ACTR3C: variants seen among roughly 807,000 people sequenced by gnomAD.
The protein encoded by ACTR3C is actin related protein 3C, also known as actin-related protein 3C.
A neutral mutation model predicts 26.3 loss-of-function variants in ACTR3C; 18 were observed. That is an observed-to-expected ratio of 0.68 (90% CI 0.47 to 1.01). ACTR3C has a LOEUF of 1.01. ACTR3C is among the 50% of genes least tolerant of loss of function. The pLI is 0.00. For missense variants in ACTR3C, 184 were observed against 250.7 expected, an observed-to-expected ratio of 0.73 and a Z score of 1.80; for synonymous variants, 55 against 94.5, an observed-to-expected ratio of 0.58 and a Z score of 2.42.
chr7:149,896,248 A>G, the ACTR3C span, among the ~76,000 whole-genome samples: 3 of 152,196 alleles, frequency 2.0e-5, no homozygotes, highest in African/African-American at 7.2e-5. Context: ...CAGTCCAGCC[A>G]AGTTAATTTT....
the ACTR3C span, among the ~76,000 whole-genome samples, chr7:150,131,590 T>C: frequency 6.6e-6 from 1 of 152,218 alleles, no homozygotes; most frequent in African/African-American, 2.4e-5. Context: ...ACTTGGGAGC[T>C]ATACTCACTA....
the ACTR3C span, among the ~76,000 whole-genome samples, chr7:150,194,724 T>G: frequency 6.6e-6 from 1 of 152,160 alleles, no homozygotes; most frequent in Non-Finnish European, 1.5e-5. Flanking sequence ...TATGCCCATG[T>G]TTACACATTT....
the ACTR3C span, among the ~76,000 whole-genome samples, chr7:149,913,388 TGAG>T: frequency 2.0e-5 from 3 of 152,238 alleles, no homozygotes; most frequent in Non-Finnish European, 4.4e-5. Context: ...GTACTCAGAC[TGAG>T]GATAGGGGAG....
At chr7:149,976,561 G>A in the ACTR3C span, among the ~76,000 whole-genome samples, 10 of 132,586 alleles carry the variant, frequency 7.5e-5, no homozygotes, top group Admixed American at 1.6e-4. Context: ...GCGACAGAGC[G>A]AGACTCTGTC....
At chr7:149,945,315 G>C in the ACTR3C span, among the ~76,000 whole-genome samples, 1 of 135,370 alleles carries the variant, frequency 7.4e-6, no homozygotes, top group African/African-American at 2.6e-5. Flanking sequence ...GCCTCCATCA[G>C]TGACAACCTC....
At chr7:149,888,922 C>G in the ACTR3C span, among the ~76,000 whole-genome samples, 2 of 151,842 alleles carry the variant, frequency 1.3e-5, no homozygotes, top group African/African-American at 2.4e-5. Flanking sequence ...GCAGGAGAAT[C>G]GCTTGAACCT....
chr7:150,228,609 C>T, the ACTR3C span, among the ~76,000 whole-genome samples: 3 of 151,946 alleles, frequency 2.0e-5, no homozygotes, highest in Non-Finnish European at 4.4e-5. Flanking sequence ...GGGCCATGAA[C>T]CAAGGAATAC....
At chr7:150,233,904 T>C in the ACTR3C span, among the ~76,000 whole-genome samples, 10 of 152,226 alleles carry the variant, frequency 6.6e-5, no homozygotes, top group Non-Finnish European at 1.2e-4. Context: ...TTAAAACCCA[T>C]ACATAATATA....
chr7:150,128,184 A>C, the ACTR3C span, among the ~76,000 whole-genome samples: 1 of 151,682 alleles, frequency 6.6e-6, no homozygotes. Context: ...GTCCACGGGC[A>C]CTTCCCAACT....
At chr7:150,018,458 G>T in the ACTR3C span, among the ~76,000 whole-genome samples, 2 of 148,636 alleles carry the variant, frequency 1.3e-5, no homozygotes, top group Non-Finnish European at 3.0e-5. Flanking sequence ...AAATAAAATA[G>T]GGTTTGTTTT....
chr7:149,928,930 A>G, the ACTR3C span, among the ~76,000 whole-genome samples: 1 of 152,196 alleles, frequency 6.6e-6, no homozygotes, highest in Admixed American at 6.5e-5. Context: ...TAAGCAATAG[A>G]TAATAACCCA....
chr7:149,970,142 GC>G, the ACTR3C span, among the ~76,000 whole-genome samples: 1 of 152,102 alleles, frequency 6.6e-6, no homozygotes, highest in Non-Finnish European at 1.5e-5. Context: ...CTCCTTCTTG[GC>G]ATACAAATCC....
the ACTR3C span, among the ~76,000 whole-genome samples, chr7:149,941,983 T>C: frequency 3.3e-5 from 5 of 152,146 alleles, no homozygotes; most frequent in Admixed American, 6.5e-5. Context: ...AGAGAGCAGC[T>C]GTGCAGCCTA....
chr7:150,198,460 C>A, the ACTR3C span, among the ~76,000 whole-genome samples: 1 of 140,056 alleles, frequency 7.1e-6, no homozygotes, highest in Non-Finnish European at 1.5e-5. Context: ...CCCGGCCGCC[C>A]ATCGTCTGAG....
the ACTR3C span, among the ~76,000 whole-genome samples, chr7:150,144,905 C>G: frequency 6.6e-6 from 1 of 151,944 alleles, no homozygotes; most frequent in Non-Finnish European, 1.5e-5. The surrounding 1 kb of genome is among the most constrained non-coding windows in gnomAD (Gnocchi z 4.6). Flanking sequence ...AAAAAATTAG[C>G]TGGGCGTGGT....
chr7:149,915,833 G>A, the ACTR3C span, among the ~76,000 whole-genome samples: 1 of 149,686 alleles, frequency 6.7e-6, no homozygotes, highest in Non-Finnish European at 1.5e-5. Context: ...AAAAATGTTC[G>A]GTGAAGCACT....
chr7:149,993,691 T>C, the ACTR3C span, among the ~76,000 whole-genome samples: 1,118 of 152,034 alleles, frequency 7.4e-3, 11 homozygotes, highest in African/African-American at 0.025. Flanking sequence ...ACAGACCCCA[T>C]TGGAGCAATA....
rs1834981751 is a variant in ACTR3C at position 150,277,578 on chromosome 7, A to G, written c.564+7175T>C. ...CTCCAACCTACAAATGCAACTCAAC[A>G]TCTCCACCAAACTAGATCTAGTCTT... On this transcript the variant is annotated intron_variant, in intron 6 of 7. Coordinates refer to ENST00000683684, the MANE Select transcript of ACTR3C (RefSeq NM_001164458.2). 2.0e-5 allele frequency among the ~76,000 whole-genome samples: 3 copies of G among 151,950 alleles called. No homozygotes were observed. The South Asian group carries it at 6.3e-4, about 32-fold the overall frequency.
chr7:150,143,801 C>G, the ACTR3C span, among the ~76,000 whole-genome samples: 1 of 152,244 alleles, frequency 6.6e-6, no homozygotes, highest in Non-Finnish European at 1.5e-5. Context: ...TCTTCATCCC[C>G]CCGCTTAGAG....
Sources: gnomAD v4.1 joint callset for allele counts (sites outside exome capture counted in the v4.1 genomes callset) on GRCh38, gnomAD v4.1.1 for gene constraint, Gnocchi (gnomAD v3.1) non-coding constraint, MANE v1.5 for transcripts, NCBI Gene and HGNC (gene_info 2026-07-23, HGNC 2026-07-21) for gene names.